The following MEX3D variants were observed in gnomAD, a reference collection of about 807,000 sequenced individuals.
MEX3D encodes mex-3 RNA binding family member D, also known as RNA-binding protein MEX3D.
A neutral mutation model predicts 6.3 loss-of-function variants in MEX3D; 4 were observed. The observed-to-expected ratio is 0.64, with a 90% CI of 0.31 to 1.46. MEX3D has a LOEUF of 1.46. Ranked by LOEUF, MEX3D falls within the 40% of genes most tolerant of loss-of-function variation. The pLI, the probability that MEX3D is intolerant of heterozygous loss-of-function variation, is 0.07. For missense variants in MEX3D, 1,038 were observed against 994.4 expected (o/e 1.04, Z -0.59); for synonymous variants, 626 against 494.1 (o/e 1.27, Z -3.54).
chr19:1,563,140 C>A (rs1568266851), intron 1 of MEX3D, among the ~76,000 whole-genome samples: 3 of 152,244 alleles, frequency 2.0e-5, no homozygotes. Flanking sequence ...TCCTAGGGCT[C>A]TGCAGTGTAT....
At chr19:1,560,930 G>A (rs1436462026) in intron 1 of MEX3D, among the ~76,000 whole-genome samples, 1 of 152,172 alleles carries the variant, frequency 6.6e-6, no homozygotes, top group Admixed American at 6.5e-5. Flanking sequence ...AAATGACACA[G>A]CGAGGCTAGA....
At position 1,556,998 on chromosome 19, in the gene MEX3D, T is replaced by G. The variant is rs1352738340; in HGVS notation, c.596-75A>C. ...GCTCAGCCCCGCTGGGCATGCAGGC[T>G]GCAGGGCCAGTGAGGGAGCCCCTAC... On this transcript the variant is annotated intron_variant, in intron 1 of 1. Transcript: ENST00000402693. This position sits in a 1 kb window ranked among gnomAD's most constrained non-coding sequence, Gnocchi z 7.5. 8.7e-6 allele frequency: 13 copies of G among 1,499,332 alleles called. No homozygotes were observed. Among genetic ancestry groups the G allele is most frequent in the Middle Eastern group, 1.8e-4 (1 of 5,536 alleles). 92.9% of individuals were successfully genotyped at this position (1,499,332 alleles called of 1,614,324 possible).
intron 1 of MEX3D, among the ~76,000 whole-genome samples, chr19:1,564,350 T>C (rs1914788020): frequency 6.7e-6 from 1 of 150,076 alleles, no homozygotes; most frequent in Admixed American, 6.7e-5. Context: ...CTGGCCAACA[T>C]GGCGAAACCC....
At chr19:1,561,291 C>G (rs1914711204) in intron 1 of MEX3D, among the ~76,000 whole-genome samples, 1 of 152,182 alleles carries the variant, frequency 6.6e-6, no homozygotes, top group African/African-American at 2.4e-5. Context: ...TTTGCCATGG[C>G]AGGAAGGGGA....
chr19:1,567,349 G>A lies in MEX3D; in HGVS notation c.595+115C>T. On this transcript the variant is annotated intron_variant, in intron 1 of 1. Coordinates refer to ENST00000402693, the MANE Select transcript of MEX3D (RefSeq NM_203304.4). This position sits in a 1 kb window ranked among gnomAD's most constrained non-coding sequence, Gnocchi z 6.5. The stretch of plus-strand genomic sequence containing the variant: ...CGGCCGAGGCCGGAGCCCACGCGGG[G>A]CGTGTCCGGTGCGGGGCGTCCGGCG... The A allele has an allele frequency of 8.3e-7, 1 of 1,204,462 alleles. No individual in the cohort carries two copies. Among genetic ancestry groups the A allele is most frequent in the Non-Finnish European group, 1.1e-6 (1 of 931,338 alleles). The allele number at this position is 1,204,462 out of a possible 1,614,324, so 74.6% of individuals were successfully genotyped here. A position where few individuals can be genotyped will look rare whatever the true frequency, so the allele number is the denominator to read the frequency against.
At position 1,555,316 on chromosome 19, in the gene MEX3D, T is replaced by C. The variant is rs752159640; in HGVS notation, c.*247A>G. The C allele has an allele frequency of 2.1e-5, 33 of 1,595,918 alleles. No homozygotes were observed. The South Asian group carries it at 3.6e-4, about 17-fold the overall frequency. The stretch of plus-strand genomic sequence containing the variant: ...AAGCGGACCTTTTCTCTCCGGTTTA[T>C]TGTAACCTGACCACTCAATACTGTC... On this transcript the variant is annotated 3_prime_UTR_variant, in exon 2 of 2. Coordinates refer to ENST00000402693, the MANE Select transcript of MEX3D (RefSeq NM_203304.4).
chr19:1,558,666 C>T (rs913546049), intron 1 of MEX3D, among the ~76,000 whole-genome samples: 4 of 152,242 alleles, frequency 2.6e-5, no homozygotes, highest in African/African-American at 4.8e-5. Flanking sequence ...ATTGTGGAAA[C>T]TGCCTACAAT....
At chr19:1,558,046 T>A (rs1486474645) in intron 1 of MEX3D, among the ~76,000 whole-genome samples, 1 of 71,456 alleles carries the variant, frequency 1.4e-5, no homozygotes. Context: ...CAAGACTCCA[T>A]TTCAAAAAAA....
intron 1 of MEX3D, among the ~76,000 whole-genome samples, chr19:1,564,665 T>C (rs1305924081): frequency 1.3e-5 from 2 of 151,810 alleles, no homozygotes. Flanking sequence ...TCAAGAGAAC[T>C]GAAGCTCAGA....
chr19:1,562,980 T>C (rs1208355056), intron 1 of MEX3D, among the ~76,000 whole-genome samples: 1 of 152,098 alleles, frequency 6.6e-6, no homozygotes, highest in Non-Finnish European at 1.5e-5. Flanking sequence ...ACTGAGCCAC[T>C]GTACTCCAGC....
chr19:1,557,502 G>A (rs1815877439), intron 1 of MEX3D, among the ~76,000 whole-genome samples: 1 of 149,350 alleles, frequency 6.7e-6, no homozygotes. Flanking sequence ...GGAGACGAAG[G>A]TTGCAGTGAG....
rs969790475 is a variant in MEX3D, at chr19:1,555,503, C to T, written c.*60G>A. On this transcript the variant is annotated 3_prime_UTR_variant, in exon 2 of 2. Transcript: ENST00000402693. The stretch of plus-strand genomic sequence containing the variant: ...CCCTCTCCCACCCCGGGTCCCGCCC[C>T]GTCTCCCGCGCCCACCCCTGGCCCC... 26 of 1,515,762 alleles carry T rather than the reference C, an allele frequency of 1.7e-5. No homozygotes were observed. Among genetic ancestry groups the T allele is most frequent in the East Asian group, 5.0e-5 (2 of 39,638 alleles). 93.9% of individuals were successfully genotyped at this position (1,515,762 alleles called of 1,614,324 possible). A position where few individuals can be genotyped will look rare whatever the true frequency, so the allele number is the denominator to read the frequency against.
chr19:1,567,960 C>A lies in MEX3D; in HGVS notation c.99G>T (p.Ala33=). ...CCTCCTGGGCGCCCTCGGGCGGGGGCGCAGGTCCGGGTCCGGGGTCCTCCC... is the reference window on the plus strand; with the variant it reads ...CCTCCTGGGCGCCCTCGGGCGGGGGAGCAGGTCCGGGTCCGGGGTCCTCCC... ...AAGEDPGPGP[A]PPPEGAQEAA... The change falls in exon 1 of 2, where the codon GCG becomes GCT. Residue 33 remains alanine (A), a synonymous_variant. Coordinates refer to ENST00000402693, the MANE Select transcript of MEX3D (RefSeq NM_203304.4). This position sits in a 1 kb window ranked among gnomAD's most constrained non-coding sequence, Gnocchi z 6.5. 1 of 977,332 alleles carries A rather than the reference C, an allele frequency of 1.0e-6. No homozygotes were observed. Among genetic ancestry groups the A allele is most frequent in the Non-Finnish European group, 1.2e-6 (1 of 826,834 alleles). The allele number at this position is 977,332 out of a possible 1,614,324, so 60.5% of individuals were successfully genotyped here.
In MEX3D at chr19:1,567,796, G is replaced by A. The variant is rs1482152460; in HGVS notation, c.263C>T (p.Ala88Val). The A allele has an allele frequency of 5.3e-6, 5 of 950,146 alleles. No individual in the cohort carries two copies. The highest frequency in any genetic ancestry group is 6.3e-6 in the Non-Finnish European group (5 of 799,576). 58.9% of individuals were successfully genotyped at this position (950,146 alleles called of 1,614,324 possible). ...DEEGAAGDGA[A>V]AAGGADGGAA... The stretch of plus-strand genomic sequence containing the variant: ...CCCGCCGTCCGCGCCCCCCGCCGCC[G>A]CTGCGCCGTCCCCGGCCGCCCCCTC... Residue 88 changes from alanine to valine, a missense_variant, in exon 1 of 2, where the codon GCG becomes GTG. Ala to Val is a moderately conservative substitution (Grantham distance 64, BLOSUM62 0). This residue lies in a region of MEX3D where 265 missense variants were observed against 206.3 expected (regional missense o/e 1.28). Coordinates refer to ENST00000402693, the MANE Select transcript of MEX3D (RefSeq NM_203304.4). This position sits in a 1 kb window ranked among gnomAD's most constrained non-coding sequence, Gnocchi z 6.5.
intron 1 of MEX3D, among the ~76,000 whole-genome samples, chr19:1,558,479 C>G (rs1914635362): frequency 6.6e-6 from 1 of 151,968 alleles, no homozygotes; most frequent in Non-Finnish European, 1.5e-5. Context: ...GCCATAGCCC[C>G]CGGAAACTGA....
rs542634285 is a variant in MEX3D at position 1,561,886 on chromosome 19, A to G, written c.596-4963T>C. The stretch of plus-strand genomic sequence containing the variant: ...GGTCTGGAACTCTTGGGCTCAGGTG[A>G]TCCTCCCATCTCAGCCTCCCAAAGT... On this transcript the variant is annotated intron_variant, in intron 1 of 1. Coordinates refer to ENST00000402693, the MANE Select transcript of MEX3D (RefSeq NM_203304.4). 8.6e-4 allele frequency among the ~76,000 whole-genome samples: 130 copies of G among 151,868 alleles called. 1 individual carries two copies. Among genetic ancestry groups the G allele is most frequent in the African/African-American group, 3.0e-3 (126 of 41,474 alleles).
chr19:1,566,352 G>A (rs1199191528), intron 1 of MEX3D, among the ~76,000 whole-genome samples: 2 of 152,222 alleles, frequency 1.3e-5, no homozygotes, highest in African/African-American at 4.8e-5. Flanking sequence ...CGAGGGAAAG[G>A]GCGGAGGGGA....
intron 1 of MEX3D, among the ~76,000 whole-genome samples, chr19:1,565,203 G>A (rs1422073407): frequency 2.0e-5 from 3 of 152,094 alleles, no homozygotes; most frequent in African/African-American, 7.2e-5. Context: ...CTGAGCAACA[G>A]AGCAAGACCC....
Position 1,560,584 on chromosome 19 carries a change from A to C in MEX3D, c.596-3661T>G, listed in dbSNP as rs116829244. Among the ~76,000 whole-genome samples the C allele has an allele frequency of 4.7e-3, 715 of 152,206 alleles. 6 individuals carry two copies. Among genetic ancestry groups the C allele is most frequent in the African/African-American group, 0.016 (649 of 41,516 alleles). ...AAAGTCTGGTCTGGGTGAGATGACA[A>C]ATTTGGGAGATGGAGGTGGCAAGGA... is the stretch of plus-strand genomic sequence containing the variant. On this transcript the variant is annotated intron_variant, in intron 1 of 1. Transcript: ENST00000402693.
Sources: gnomAD v4.1 joint callset for allele counts (sites outside exome capture counted in the v4.1 genomes callset) on GRCh38, gnomAD v4.1.1 for gene constraint, gnomAD v4.1.1 regional missense constraint, Gnocchi (gnomAD v3.1) non-coding constraint, MANE v1.5 for transcripts, NCBI Gene and HGNC (gene_info 2026-07-23, HGNC 2026-07-21) for gene names.